UBAP2: variants seen among roughly 807,000 people sequenced by gnomAD.
The protein encoded by UBAP2 is ubiquitin associated protein 2, also known as ubiquitin-associated protein 2.
In UBAP2, 75 loss-of-function variants were observed where a neutral mutation model predicts 139.6. The ratio of observed to expected loss-of-function variants is 0.54; its 90% CI spans 0.45 to 0.65. UBAP2 has a LOEUF of 0.65. UBAP2 is among the 30% of genes least tolerant of loss of function. UBAP2 has a pLI of 0.00. For synonymous variants in UBAP2, 526 were observed against 526.2 expected (o/e 1.00, Z 0.01); for missense variants, 1,368 against 1,369.6 (o/e 1.00, Z 0.02).
chr9:34,012,721 A>G (rs1477999120), intron 2 of UBAP2, among the ~76,000 whole-genome samples: 3 of 152,188 alleles, frequency 2.0e-5, no homozygotes, highest in Non-Finnish European at 4.4e-5. Flanking sequence ...CTGTAGGGAA[A>G]GGAAGAGAAC....
intron 1 of UBAP2, among the ~76,000 whole-genome samples, chr9:34,021,194 G>A (rs1311276051): frequency 2.6e-5 from 4 of 152,108 alleles, no homozygotes; most frequent in African/African-American, 9.7e-5. Context: ...GCCAGAAAAG[G>A]TCTGACAAGC....
chr9:34,007,996 C>T (rs1327141000), intron 2 of UBAP2, among the ~76,000 whole-genome samples: 1 of 151,900 alleles, frequency 6.6e-6, no homozygotes. Context: ...TATGCTGAAC[C>T]GTCCTAGTGA....
intron 1 of UBAP2, among the ~76,000 whole-genome samples, chr9:34,044,668 C>T (rs1209080388): frequency 6.6e-6 from 1 of 151,684 alleles, no homozygotes; most frequent in Non-Finnish European, 1.5e-5. Flanking sequence ...AGTTCCAAGA[C>T]CAATATGGCC....
intron 8 of UBAP2, among the ~76,000 whole-genome samples, chr9:33,971,134 A>T (rs1827888220): frequency 6.6e-6 from 1 of 152,182 alleles, no homozygotes; most frequent in Non-Finnish European, 1.5e-5. Flanking sequence ...AATCTCAATA[A>T]TTACTGTACA....
chr9:34,013,059 C>T (rs1395994657), intron 2 of UBAP2, among the ~76,000 whole-genome samples: 1 of 142,572 alleles, frequency 7.0e-6, no homozygotes, highest in African/African-American at 2.7e-5. Flanking sequence ...GAGGCTGAGG[C>T]AGGAGAATCA....
At chr9:34,029,532 A>C (rs1184655238) in intron 1 of UBAP2, among the ~76,000 whole-genome samples, 1 of 151,728 alleles carries the variant, frequency 6.6e-6, no homozygotes, top group Admixed American at 6.6e-5. Context: ...TTCTCAAAAA[A>C]AAAAAAGAAA....
At chr9:34,006,367 C>T (rs945342027) in intron 2 of UBAP2, among the ~76,000 whole-genome samples, 15 of 151,998 alleles carry the variant, frequency 9.9e-5, no homozygotes, top group African/African-American at 3.4e-4. Flanking sequence ...AAGAGCAATG[C>T]TTTGCGCAAG....
chr9:33,953,205 A>G, intron 12 of UBAP2, 80 bp downstream of exon 12: 1 of 1,295,182 alleles, frequency 7.7e-7, no homozygotes, highest in South Asian at 1.6e-5. Context: ...AAGTAATTAT[A>G]AAGCATGTAT....
intron 19 of UBAP2, chr9:33,928,567 C>CT (rs1823688347): frequency 6.6e-6 from 1 of 152,616 alleles, no homozygotes; most frequent in African/African-American, 2.4e-5. Flanking sequence ...CAGTGCCCAC[C>CT]TAAAAGGGCA....
At chr9:34,012,596 T>C (rs1357991170) in intron 2 of UBAP2, among the ~76,000 whole-genome samples, 1 of 152,068 alleles carries the variant, frequency 6.6e-6, no homozygotes, top group Non-Finnish European at 1.5e-5. Flanking sequence ...TGTTCTGATT[T>C]TTTATAATTG....
chr9:33,927,763 A>G, intron 20 of UBAP2, 34 bp downstream of exon 20: 1 of 1,578,288 alleles, frequency 6.3e-7, no homozygotes, highest in Admixed American at 1.7e-5. Flanking sequence ...TGAGGGGCTC[A>G]GGGGTGGGCA....
rs374194311 is a variant in UBAP2, at chr9:33,986,749, C to T, written c.520+11G>A. 382 of 1,612,548 alleles carry T rather than the reference C, an allele frequency of 2.4e-4. 1 individual carries two copies. The highest frequency in any genetic ancestry group is 1.3e-3 in the South Asian group (120 of 90,984). ...ATTGAAAGCATTTTCTTCCCTCTTA[C>T]TCTAGCTTACCTCTACCCCGGGCTC... On this transcript the variant is annotated intron_variant, in intron 6 of 28. Transcript: ENST00000379238.
chr9:34,025,505 G>A (rs1026876135), intron 1 of UBAP2, among the ~76,000 whole-genome samples: 7 of 152,134 alleles, frequency 4.6e-5, no homozygotes, highest in Non-Finnish European at 8.8e-5. Flanking sequence ...TTAAAGATGT[G>A]ATAGATTTTA....
At chr9:33,993,006 C>T (rs1161567926) in intron 4 of UBAP2, among the ~76,000 whole-genome samples, 1 of 152,156 alleles carries the variant, frequency 6.6e-6, no homozygotes, top group Non-Finnish European at 1.5e-5. Context: ...AAACAACTTA[C>T]TAAAAAGAGT....
intron 1 of UBAP2, among the ~76,000 whole-genome samples, chr9:34,023,574 C>T (rs1785502): frequency 0.81 from 122,917 of 152,130 alleles, 49,778 homozygotes; most frequent in Middle Eastern, 0.87. Flanking sequence ...ACAATGAATA[C>T]GTAATTAGCC....
Position 34,017,007 on chromosome 9 carries a change from G to GA in UBAP2, c.99+42dup, listed in dbSNP as rs200722543. The stretch of plus-strand genomic sequence containing the variant: ...TAAAACTTCAAGTATAATAATAAAA[G>GA]AAAAAAAAGGAAAAAAAAAAAAAGA... On this transcript the variant is annotated intron_variant, in intron 2 of 28. Coordinates refer to ENST00000379238, the MANE Select transcript of UBAP2 (RefSeq NM_001370062.2). 2.0e-3 allele frequency: 2,443 copies of GA among 1,232,348 alleles called. 22 individuals are homozygous for GA. In the African/African-American group the frequency reaches 0.038, roughly 19 times the overall value. The allele number at this position is 1,232,348 out of a possible 1,614,324, so 76.3% of individuals were successfully genotyped here.
At chr9:33,985,835 A>G (rs1268870602) in intron 6 of UBAP2, among the ~76,000 whole-genome samples, 1 of 152,064 alleles carries the variant, frequency 6.6e-6, no homozygotes, top group Non-Finnish European at 1.5e-5. Flanking sequence ...CAGCCTGGCC[A>G]ACATGGTAAA....
intron 9 of UBAP2, among the ~76,000 whole-genome samples, chr9:33,961,901 G>C (rs1215735473): frequency 6.6e-6 from 1 of 152,144 alleles, no homozygotes; most frequent in Non-Finnish European, 1.5e-5. Flanking sequence ...CTTATTTATG[G>C]AATGTTTTTA....
At chr9:33,949,716 C>T (rs1342425403) in intron 12 of UBAP2, among the ~76,000 whole-genome samples, 4 of 152,000 alleles carry the variant, frequency 2.6e-5, no homozygotes, top group Middle Eastern at 3.4e-3. Flanking sequence ...TGTGTGTGTG[C>T]GCGCATGCAC....
Sources: gnomAD v4.1 joint callset for allele counts (sites outside exome capture counted in the v4.1 genomes callset) on GRCh38, gnomAD v4.1.1 for gene constraint, MANE v1.5 for transcripts, NCBI Gene and HGNC (gene_info 2026-07-23, HGNC 2026-07-21) for gene names.